LRIG1: variants seen among roughly 807,000 people sequenced by gnomAD.
LRIG1 encodes the protein leucine rich repeats and immunoglobulin like domains 1.
LRIG1 carries 48 observed loss-of-function variants against 99.2 expected under a neutral mutation model. The ratio of observed to expected loss-of-function variants is 0.48; its 90% confidence interval spans 0.38 to 0.62. The LOEUF is 0.62. Among genes scored for constraint, LRIG1 ranks in the 20% least tolerant of loss-of-function variants. LRIG1 has a pLI of 0.00. For missense variants in LRIG1, 1,646 were observed against 1,434.4 expected (o/e 1.15, Z -2.38); for synonymous variants, 772 against 596.1 (o/e 1.29, Z -4.30).
In LRIG1 at chr3:66,388,693, G is replaced by A. The variant is rs1701497149; in HGVS notation, c.1469-2392C>T. Reference sequence around the variant, plus strand: ...AACCCACAGAGAACAGAAGGCAGTAGGAAGATATTCAAATTACTGAAAGAA... The same window carrying A: ...AACCCACAGAGAACAGAAGGCAGTAAGAAGATATTCAAATTACTGAAAGAA... On this transcript the variant is annotated intron_variant, in intron 12 of 18. Coordinates refer to ENST00000273261, the MANE Select transcript of LRIG1 (RefSeq NM_015541.3). 4.6e-5 allele frequency among the ~76,000 whole-genome samples: 7 copies of A among 152,096 alleles called. 1 individual carries two copies. The South Asian group carries it at 1.5e-3, about 32-fold the overall frequency.
intron 3 of LRIG1, among the ~76,000 whole-genome samples, chr3:66,424,515 C>G (rs1345740808): frequency 6.6e-6 from 1 of 152,220 alleles, no homozygotes; most frequent in East Asian, 1.9e-4. Flanking sequence ...ATTCCACATG[C>G]AAACCCAAGT....
At chr3:66,436,756 G>A (rs1703373745) in intron 3 of LRIG1, among the ~76,000 whole-genome samples, 1 of 152,140 alleles carries the variant, frequency 6.6e-6, no homozygotes, top group Non-Finnish European at 1.5e-5. Flanking sequence ...ACTCTCTACT[G>A]CCAGGGGAAC....
chr3:66,450,491 C>A (rs746969833), intron 3 of LRIG1, among the ~76,000 whole-genome samples: 1 of 152,146 alleles, frequency 6.6e-6, no homozygotes, highest in East Asian at 1.9e-4. Context: ...TTCTAACCCC[C>A]CACGCTCTCC....
intron 3 of LRIG1, among the ~76,000 whole-genome samples, chr3:66,448,665 T>C (rs996327632): frequency 3.9e-5 from 6 of 152,192 alleles, no homozygotes; most frequent in Non-Finnish European, 8.8e-5. Context: ...CTGTGATGCA[T>C]CTACCTATAA....
chr3:66,497,617 T>G (rs1326207746), intron 1 of LRIG1, among the ~76,000 whole-genome samples: 1 of 145,472 alleles, frequency 6.9e-6, no homozygotes. Context: ...TTTCTTCTAT[T>G]CACACTGCAT....
intron 1 of LRIG1, among the ~76,000 whole-genome samples, chr3:66,496,649 A>T (rs1701234160): frequency 6.6e-6 from 1 of 152,220 alleles, no homozygotes. Context: ...CTGTCCCACA[A>T]ATCGGAAGAC....
At chr3:66,498,476 A>T (rs577373231) in intron 1 of LRIG1, among the ~76,000 whole-genome samples, 1 of 152,156 alleles carries the variant, frequency 6.6e-6, no homozygotes, top group East Asian at 1.9e-4. Flanking sequence ...CTTTCCCCAC[A>T]ATGCCACTGA....
Position 66,382,412 on chromosome 3 carries a change from G to T in LRIG1, c.2492-14C>A, listed in dbSNP as rs574696662. 7.4e-6 allele frequency: 12 copies of T among 1,614,024 alleles called. No homozygotes were observed. The East Asian group carries it at 1.8e-4, about 24-fold the overall frequency. ...CGACGGTTTCATCTGCAAGGAGACA[G>T]AACAAATAGAACACCAGGGTCTCAG... On this transcript the variant is annotated splice_polypyrimidine_tract_variant and intron_variant, in intron 15 of 18. Coordinates refer to ENST00000273261, the MANE Select transcript of LRIG1 (RefSeq NM_015541.3).
intron 3 of LRIG1, among the ~76,000 whole-genome samples, chr3:66,447,106 G>T (rs1029435052): frequency 1.3e-5 from 2 of 152,132 alleles, no homozygotes; most frequent in African/African-American, 4.8e-5. Flanking sequence ...CATAGTAGGT[G>T]TATATATTTA....
At position 66,383,360 on chromosome 3, in the gene LRIG1, A is replaced by C; in HGVS notation, c.2113T>G (p.Ser705Ala). The change falls in exon 15 of 19, where the codon TCT (serine) becomes GCT (alanine). Residue 705 changes from serine (S) to alanine (A), a missense_variant. Ser to Ala is a moderately conservative substitution (Grantham distance 99). Coordinates refer to ENST00000273261, the MANE Select transcript of LRIG1 (RefSeq NM_015541.3). The stretch of plus-strand genomic sequence containing the variant: ...TGGAGGGCCACTGTTTCTCCCACAG[A>C]TACCACACGGTCTTCCAAGGGGACC... ...LVVPLEDRVV[S>A]VGETVALQCK... The C allele has an allele frequency of 6.3e-7, 1 of 1,582,858 alleles. No individual in the cohort carries two copies.
chr3:66,412,150 A>G (rs1702486885), intron 6 of LRIG1, among the ~76,000 whole-genome samples: 1 of 152,218 alleles, frequency 6.6e-6, no homozygotes, highest in Non-Finnish European at 1.5e-5. Flanking sequence ...CTGGCTGAAG[A>G]GACTGCTCCC....
Position 66,500,923 on chromosome 3 carries a change from G to T in LRIG1, c.-516C>A, listed in dbSNP as rs768871060. ...TGCGCCTCGCTGTCCCCACGCCGCG[G>T]CCAGAGAGCGCGCGCGCGCGCGCAG... On this transcript the variant is annotated 5_prime_UTR_variant, in exon 1 of 19. Transcript: ENST00000273261. The T allele has an allele frequency of 6.6e-6, 1 of 151,664 alleles. No individual in the cohort carries two copies. The highest frequency in any genetic ancestry group is 6.6e-5 in the Admixed American group (1 of 15,238). The allele number at this position is 151,664 out of a possible 1,614,324, so 9.4% of individuals were successfully genotyped here.
At chr3:66,430,075 T>G (rs1467416690) in intron 3 of LRIG1, among the ~76,000 whole-genome samples, 2 of 152,158 alleles carry the variant, frequency 1.3e-5, no homozygotes, top group African/African-American at 4.8e-5. Context: ...CAATCAATAT[T>G]TGTTGAATAA....
intron 1 of LRIG1, among the ~76,000 whole-genome samples, chr3:66,494,756 C>T (rs1477255188): frequency 1.3e-5 from 2 of 152,154 alleles, no homozygotes; most frequent in African/African-American, 2.4e-5. Flanking sequence ...CACAAATTGC[C>T]GACTTTCAAC....
chr3:66,425,309 T>C (rs544315899), intron 3 of LRIG1, among the ~76,000 whole-genome samples: 1 of 152,376 alleles, frequency 6.6e-6, no homozygotes, highest in East Asian at 1.9e-4. Flanking sequence ...CAGCCTGTTC[T>C]ACGTAGCTTG....
At chr3:66,409,193 A>AAAAAC (rs1463512490) in intron 7 of LRIG1, among the ~76,000 whole-genome samples, 1 of 152,210 alleles carries the variant, frequency 6.6e-6, no homozygotes, top group African/African-American at 2.4e-5. Flanking sequence ...AAAGGAAGAA[A>AAAAAC]AAAACAAAAC....
chr3:66,449,854 T>C (rs1178221687), intron 3 of LRIG1, among the ~76,000 whole-genome samples: 1 of 152,218 alleles, frequency 6.6e-6, no homozygotes, highest in African/African-American at 2.4e-5. Context: ...TTCTCAAACT[T>C]GAACTCGTGG....
intron 1 of LRIG1, among the ~76,000 whole-genome samples, chr3:66,483,142 C>T (rs1249768928): frequency 6.6e-6 from 1 of 152,144 alleles, no homozygotes; most frequent in East Asian, 1.9e-4. Flanking sequence ...CCTACAGCAT[C>T]ACAGTCCAAG....
chr3:66,408,493 C>T (rs1702353968), intron 7 of LRIG1, among the ~76,000 whole-genome samples: 2 of 152,188 alleles, frequency 1.3e-5, no homozygotes, highest in South Asian at 4.1e-4. Flanking sequence ...GCTGCCCCTT[C>T]TAGAGGGCAT....
Sources: allele counts gnomAD v4.1 joint callset (sites outside exome capture counted in the v4.1 genomes callset), GRCh38; gene constraint gnomAD v4.1.1; transcripts MANE v1.5; gene names NCBI Gene and HGNC (gene_info 2026-07-23, HGNC 2026-07-21).